ACTMAP: variants seen among roughly 807,000 people sequenced by gnomAD.
ACTMAP encodes UPF0692 protein C19orf54.
chr19:40,749,710 G>A, the ACTMAP span: 4 of 1,517,282 alleles, frequency 2.6e-6, no homozygotes, highest in Non-Finnish European at 3.5e-6. Flanking sequence ...GGACTTGGGG[G>A]TAGAGGAGGA....
At chr19:40,749,405 C>G in the ACTMAP span, 8 of 436,038 alleles carry the variant, frequency 1.8e-5, no homozygotes, top group Admixed American at 5.8e-4. Context: ...GACACGGGAA[C>G]CCCCCCCCCA....
chr19:40,743,085 A>G, the ACTMAP span, among the ~76,000 whole-genome samples: 1 of 152,168 alleles, frequency 6.6e-6, no homozygotes, highest in Non-Finnish European at 1.5e-5. Flanking sequence ...GGAGCTGTCA[A>G]GACCACAAAG....
At chr19:40,742,354 G>T in the ACTMAP span, 1 of 1,352,014 alleles carries the variant, frequency 7.4e-7, no homozygotes, top group Non-Finnish European at 9.8e-7. Context: ...CAATCTTGTC[G>T]CCATCACACA....
the ACTMAP span, among the ~76,000 whole-genome samples, chr19:40,747,852 C>CA: frequency 6.6e-6 from 1 of 152,028 alleles, no homozygotes; most frequent in Non-Finnish European, 1.5e-5. Flanking sequence ...GGCAACAGAG[C>CA]AAGACCCTGT....
At chr19:40,745,822 G>A in the ACTMAP span, among the ~76,000 whole-genome samples, 1 of 152,058 alleles carries the variant, frequency 6.6e-6, no homozygotes, top group Non-Finnish European at 1.5e-5. Flanking sequence ...ACAGGCATGC[G>A]CCACCACGCC....
chr19:40,749,699 G>A, the ACTMAP span: 14 of 1,524,916 alleles, frequency 9.2e-6, no homozygotes, highest in Non-Finnish European at 1.1e-5. Context: ...AAAAGTCCAG[G>A]GGACTTGGGG....
At chr19:40,744,801 CG>C in the ACTMAP span, 15 of 1,398,234 alleles carry the variant, frequency 1.1e-5, no homozygotes, top group African/African-American at 1.5e-5. Context: ...CCCAGGCCAG[CG>C]AGGGAGACCT....
At chr19:40,742,419 GACCGCA>G in the ACTMAP span, 1 of 1,453,236 alleles carries the variant, frequency 6.9e-7, no homozygotes, top group Non-Finnish European at 9.1e-7. Flanking sequence ...TGCAGCCTGA[GACCGCA>G]GCCGCAGCTA....
At chr19:40,742,720 G>C in the ACTMAP span, 15 of 1,612,218 alleles carry the variant, frequency 9.3e-6, no homozygotes, top group Non-Finnish European at 1.3e-5. Flanking sequence ...GGCAGCTCAG[G>C]GTCCTCAGTG....
At chr19:40,744,160 C>T in the ACTMAP span, 2 of 1,603,902 alleles carry the variant, frequency 1.2e-6, no homozygotes, top group South Asian at 2.2e-5. Context: ...GGCCTGGCAG[C>T]CCAGCACCTC....
chr19:40,744,626 G>A, the ACTMAP span: 2 of 1,613,684 alleles, frequency 1.2e-6, no homozygotes, highest in Non-Finnish European at 1.7e-6. Context: ...TCTCCAGGGG[G>A]ACGCCACTGG....
chr19:40,744,819 CCT>C, the ACTMAP span: 2 of 1,332,058 alleles, frequency 1.5e-6, no homozygotes, highest in Non-Finnish European at 2.0e-6. Flanking sequence ...ACCTGACTCC[CCT>C]TCAGGGGAGA....
the ACTMAP span, chr19:40,750,463 A>G: frequency 6.6e-6 from 1 of 152,230 alleles, no homozygotes; most frequent in African/African-American, 2.4e-5. Context: ...CAGGAAGTAA[A>G]GTGCACCTCC....
the ACTMAP span, chr19:40,741,170 A>G: frequency 2.5e-6 from 1 of 396,560 alleles, no homozygotes; most frequent in Admixed American, 4.3e-5. Context: ...GGCCGGGCTC[A>G]GTGGCTCACA....
chr19:40,741,860 T>TA, the ACTMAP span: 1 of 456,224 alleles, frequency 2.2e-6, no homozygotes, highest in Non-Finnish European at 4.4e-6. Context: ...AGATGGGCTT[T>TA]AAAACTGTGA....
chr19:40,746,632 A>C, the ACTMAP span, among the ~76,000 whole-genome samples: 1 of 151,976 alleles, frequency 6.6e-6, no homozygotes, highest in Admixed American at 6.6e-5. Context: ...GCCTCAGCCT[A>C]CCAAAGTGCT....
At chr19:40,749,694 T>A in the ACTMAP span, 1 of 1,529,528 alleles carries the variant, frequency 6.5e-7, no homozygotes, top group East Asian at 2.5e-5. Flanking sequence ...AGCTGAAAAG[T>A]CCAGGGGACT....
At chr19:40,744,423 C>T in the ACTMAP span, 1 of 1,456,846 alleles carries the variant, frequency 6.9e-7, no homozygotes, top group African/African-American at 1.4e-5. Flanking sequence ...CTTGTAACCT[C>T]TCTGCTCTAC....
At chr19:40,744,704 C>G in the ACTMAP span, 5 of 1,590,878 alleles carry the variant, frequency 3.1e-6, no homozygotes, top group Non-Finnish European at 4.3e-6. Context: ...AGAGGCCCAG[C>G]CTGTCAATCC....
Sources: allele counts gnomAD v4.1 joint callset (sites outside exome capture counted in the v4.1 genomes callset), GRCh38; gene constraint gnomAD v4.1.1; transcripts MANE v1.5; gene names NCBI Gene and HGNC (gene_info 2026-07-23, HGNC 2026-07-21).